The following TSPAN19 variants were observed in gnomAD, a reference collection of about 807,000 sequenced individuals.
TSPAN19 encodes the protein tetraspanin-19.
A neutral mutation model predicts 35.1 loss-of-function variants in TSPAN19; 44 were observed. The observed-to-expected ratio is 1.25, with a 90% CI of 0.98 to 1.61. The LOEUF (loss-of-function observed/expected upper bound fraction) is 1.61. Among genes scored for constraint, TSPAN19 ranks in the 40% most tolerant of loss-of-function variants. The pLI, the probability that TSPAN19 is intolerant of heterozygous loss-of-function variation, is 0.00. For missense variants in TSPAN19, 290 were observed against 280.0 expected (o/e 1.04, Z -0.26); for synonymous variants, 79 against 92.0 (o/e 0.86, Z 0.81).
At chr12:85,033,479 T>C (rs1877778437) in intron 1 of TSPAN19, among the ~76,000 whole-genome samples, 1 of 151,968 alleles carries the variant, frequency 6.6e-6, no homozygotes, top group Non-Finnish European at 1.5e-5. Context: ...TATCACAATA[T>C]GAGAGATGTA....
At chr12:85,025,679 T>C (rs1299696783) in intron 4 of TSPAN19, among the ~76,000 whole-genome samples, 1 of 151,898 alleles carries the variant, frequency 6.6e-6, no homozygotes, top group Non-Finnish European at 1.5e-5. Context: ...GCACCTGCCA[T>C]CATGCCCGGC....
Position 85,017,529 on chromosome 12 carries a change from A to C in TSPAN19, c.521T>G (p.Val174Gly). ...AGTTGACTTTGTGCAAGAACATGGC[A>C]CCTGTCCTGAATTTTCTTTGTTCTT... is the stretch of plus-strand genomic sequence containing the variant. ...KNKNKENSGQ[V>G]PCSCTKSTLR... Residue 174 changes from valine (V) to glycine (G), a missense_variant, in exon 7 of 9, where the codon GTG (valine) becomes GGG (glycine). Val to Gly is a moderately radical substitution (Grantham distance 109). Coordinates refer to ENST00000532498, the MANE Select transcript of TSPAN19 (RefSeq NM_001100917.2). The C allele has an allele frequency of 6.2e-7, 1 of 1,602,542 alleles. No homozygotes were observed. The highest frequency in any genetic ancestry group is 8.5e-7 in the Non-Finnish European group (1 of 1,173,596).
intron 4 of TSPAN19, among the ~76,000 whole-genome samples, chr12:85,027,163 A>C (rs1394369373): frequency 1.3e-5 from 2 of 152,196 alleles, no homozygotes; most frequent in Non-Finnish European, 2.9e-5. Context: ...CGAGAGAAAC[A>C]GTGGGCAACC....
At chr12:85,032,430 GATCATGGTGTCAT>G (rs1457629218) in intron 1 of TSPAN19, among the ~76,000 whole-genome samples, 3 of 152,158 alleles carry the variant, frequency 2.0e-5, no homozygotes, top group Admixed American at 6.6e-5. Flanking sequence ...GACAGTTCTA[GATCATGGTGTCAT>G]ATCATGGTGT....
chr12:85,029,769 C>T lies in TSPAN19; in HGVS notation c.89G>A (p.Gly30Glu). 6.5e-7 allele frequency: 1 copy of T among 1,544,720 alleles called. No homozygotes were observed. The highest frequency in any genetic ancestry group is 8.7e-7 in the Non-Finnish European group (1 of 1,145,460). ...ATCTAATAAGAGCCATGCACCAAAT[C>T]CCATGAATAAAAGTCCAAGAACCTA... Reference protein sequence around the residue: ...AFLVLGLLFMGFGAWLLLDRN... With the variant: ...AFLVLGLLFMEFGAWLLLDRN... The change falls in exon 3 of 9, where the codon GGA (glycine) becomes GAA (glutamate). Residue 30 changes from glycine to glutamate, a missense_variant. Transcript: ENST00000532498.
rs780898257 is a variant in TSPAN19, at chr12:85,014,512, T to A, written c.722A>T (p.Lys241Met). Residue 241 changes from lysine to methionine, a missense_variant, in exon 9 of 9, where the codon AAG becomes ATG. Physicochemically the swap from Lys to Met is moderately conservative, Grantham distance 95. Coordinates refer to ENST00000532498, the MANE Select transcript of TSPAN19 (RefSeq NM_001100917.2). ...TCACATTTCTGCATGGATTATATTC[T>A]TGATGTTTTTGAAGAAACAAACTGT... is the stretch of plus-strand genomic sequence containing the variant. ...SLTVCFFKNI[K>M]NIIHAEM 16 of 1,605,106 alleles carry A rather than the reference T, an allele frequency of 1.0e-5. 1 individual carries two copies. In the Admixed American group the frequency reaches 2.7e-4, roughly 27 times the overall value.
chr12:85,019,757 A>AATGAAAATTTCATAGGAATGTATCC, intron 5 of TSPAN19, 21 bp from the exon 6 acceptor site: 2 of 1,453,864 alleles, frequency 1.4e-6, no homozygotes, highest in Non-Finnish European at 1.9e-6. Context: ...TTGTATTAAA[A>AATGAAAATTTCATAGGAATGTATCC]ATGAAAATTT....
intron 6 of TSPAN19, among the ~76,000 whole-genome samples, chr12:85,018,411 C>A (rs558099318): frequency 4.8e-4 from 73 of 151,958 alleles, no homozygotes; most frequent in Non-Finnish European, 1.3e-4. Context: ...AACAAACCTA[C>A]ATATATTATC....
At chr12:85,021,541 C>A (rs1877126561) in intron 5 of TSPAN19, among the ~76,000 whole-genome samples, 1 of 151,798 alleles carries the variant, frequency 6.6e-6, no homozygotes, top group Non-Finnish European at 1.5e-5. Context: ...TTTGGGAGAT[C>A]CAGAATGCAT....
At position 85,029,815 on chromosome 12, in the gene TSPAN19, AT is replaced by A. The variant is rs1414767474; in HGVS notation, c.67-25del. 7.2e-6 allele frequency: 11 copies of A among 1,536,936 alleles called. No individual in the cohort carries two copies. The East Asian group carries it at 7.4e-5, about 10-fold the overall frequency. The stretch of plus-strand genomic sequence containing the variant: ...ACCTAAAAAAAGAAAGTCAATGCTT[AT>A]TTTTTTGTAATTGCCTATACAATAG... On this transcript the variant is annotated intron_variant, in intron 2 of 8. Transcript: ENST00000532498.
intron 1 of TSPAN19, among the ~76,000 whole-genome samples, chr12:85,030,303 T>A (rs1482917421): frequency 6.6e-6 from 1 of 152,124 alleles, no homozygotes; most frequent in African/African-American, 2.4e-5. Flanking sequence ...ATATTTTGTT[T>A]TCCATCTTAC....
intron 5 of TSPAN19, among the ~76,000 whole-genome samples, 154 bp downstream of exon 5, chr12:85,023,172 C>T (rs1357784432): frequency 2.0e-5 from 3 of 152,038 alleles, no homozygotes; most frequent in Non-Finnish European, 4.4e-5. Flanking sequence ...TGGCCCCTTC[C>T]TATACTCTAG....
Position 85,026,949 on chromosome 12 carries a change from T to G in TSPAN19, c.264+950A>C, listed in dbSNP as rs1486629821. Among the ~76,000 whole-genome samples, 60 of 152,248 alleles carry G rather than the reference T, an allele frequency of 3.9e-4. 1 individual carries two copies. The highest frequency in any genetic ancestry group is 1.8e-4 in the Non-Finnish European group (12 of 68,020). ...ATAAAAGCTGAGTATCTCTGCATTC[T>G]TCCTGGTAAGGGACAAAATGACAGC... On this transcript the variant is annotated intron_variant, in intron 4 of 8. Transcript: ENST00000532498.
chr12:85,034,358 C>T (rs1014721618), intron 1 of TSPAN19, among the ~76,000 whole-genome samples: 4 of 152,108 alleles, frequency 2.6e-5, no homozygotes, highest in Admixed American at 2.6e-4. Flanking sequence ...CACTACAACA[C>T]ATTTTCAAAG....
intron 7 of TSPAN19, 111 bp from the exon 8 acceptor site, chr12:85,016,082 T>C (rs1253408296): frequency 3.0e-6 from 2 of 660,076 alleles, no homozygotes; most frequent in Non-Finnish European, 4.7e-6. Context: ...AAAGTCTAAA[T>C]AGTAAGTCAA....
intron 4 of TSPAN19, 39 bp from the exon 5 acceptor site, chr12:85,023,439 T>C: frequency 6.8e-7 from 1 of 1,460,418 alleles, no homozygotes; most frequent in Non-Finnish European, 9.4e-7. Context: ...ACTATGCTAC[T>C]AATATATGTT....
intron 5 of TSPAN19, among the ~76,000 whole-genome samples, chr12:85,021,762 A>G (rs940221828): frequency 6.6e-6 from 1 of 152,112 alleles, no homozygotes; most frequent in African/African-American, 2.4e-5. Context: ...AAATTGATGT[A>G]AACAAAGCTG....
intron 1 of TSPAN19, among the ~76,000 whole-genome samples, chr12:85,034,677 C>G (rs1385724830): frequency 1.3e-5 from 2 of 152,152 alleles, no homozygotes; most frequent in Non-Finnish European, 2.9e-5. Context: ...TGATAAACAA[C>G]AGTGTCAAGT....
At chr12:85,030,122 G>T in intron 1 of TSPAN19, 149 bp from the exon 2 acceptor site, 1 of 647,444 alleles carries the variant, frequency 1.5e-6, no homozygotes, top group South Asian at 3.4e-5. Flanking sequence ...TTTATTGAAG[G>T]TATCTTGAAA....
Sources: gnomAD v4.1 joint callset for allele counts (sites outside exome capture counted in the v4.1 genomes callset) on GRCh38, gnomAD v4.1.1 for gene constraint, MANE v1.5 for transcripts, NCBI Gene and HGNC (gene_info 2026-07-23, HGNC 2026-07-21) for gene names.